CYP2C19: variants seen among roughly 807,000 people sequenced by gnomAD.
CYP2C19 encodes cytochrome P450 family 2 subfamily C member 19, also known as cytochrome P450 2C19.
A neutral mutation model predicts 40.9 loss-of-function variants in CYP2C19; 59 were observed. That is an observed-to-expected ratio of 1.44 (90% confidence interval 1.17 to 1.79). The LOEUF (loss-of-function observed/expected upper bound fraction) is 1.79. CYP2C19 is among the 40% of genes most tolerant of loss of function. The pLI is 0.00. For missense variants in CYP2C19, 754 were observed against 596.9 expected (o/e 1.26, Z -2.74); for synonymous variants, 253 against 208.7 (o/e 1.21, Z -1.83).
At chr10:94,809,941 G>A (rs751727176) in intron 5 of CYP2C19, among the ~76,000 whole-genome samples, 1 of 152,200 alleles carries the variant, frequency 6.6e-6, no homozygotes, top group South Asian at 2.1e-4. Flanking sequence ...GAGTGCAGTG[G>A]CATTATCTCA....
At chr10:94,820,753 G>C in intron 6 of CYP2C19, 116 bp downstream of exon 6, 1 of 1,316,056 alleles carries the variant, frequency 7.6e-7, no homozygotes, top group Non-Finnish European at 1.1e-6. Context: ...TTCTGTGCCC[G>C]CAGCTGTAAT....
chr10:94,826,649 T>C (rs1372860282), intron 6 of CYP2C19, among the ~76,000 whole-genome samples: 1 of 152,208 alleles, frequency 6.6e-6, no homozygotes, highest in African/African-American at 2.4e-5. Context: ...ATCCCCTTTA[T>C]TTCCTTCTCC....
At chr10:94,818,012 C>CAAAAAAAAAAAAAAAAAAAAAAAA (rs71031597) in intron 5 of CYP2C19, among the ~76,000 whole-genome samples, 1 of 77,150 alleles carries the variant, frequency 1.3e-5, no homozygotes. Context: ...GACTCCATCT[C>CAAAAAAAAAAAAAAAAAAAAAAAA]AAAAAAAAAA....
rs992378592 is a variant in CYP2C19 at position 94,829,187 on chromosome 10, T to C, written c.961+8550T>C. 1.0e-3 allele frequency among the ~76,000 whole-genome samples: 152 copies of C among 152,202 alleles called. 3 individuals carry two copies. Among genetic ancestry groups the C allele is most frequent in the Non-Finnish European group, 2.2e-4 (15 of 68,048 alleles). ...GAGTATCTTTGTGGCGTTCTCTGTA[T>C]TTCCTGAATCTGAACGTTGGCCTGC... On this transcript the variant is annotated intron_variant, in intron 6 of 8. Coordinates refer to ENST00000371321, the MANE Select transcript of CYP2C19 (RefSeq NM_000769.4).
At chr10:94,801,658 G>C (rs368997633) in intron 5 of CYP2C19, among the ~76,000 whole-genome samples, 26 of 152,240 alleles carry the variant, frequency 1.7e-4, no homozygotes, top group African/African-American at 6.3e-4. Context: ...TTAATTTTCT[G>C]TGTCATTGAT....
chr10:94,786,211 G>T (rs572142888), intron 5 of CYP2C19, among the ~76,000 whole-genome samples: 98 of 152,192 alleles, frequency 6.4e-4, no homozygotes, highest in African/African-American at 2.3e-3. Flanking sequence ...AGGTAATGTA[G>T]CTGCTTCATC....
intron 7 of CYP2C19, among the ~76,000 whole-genome samples, chr10:94,847,483 G>A (rs2134290194): frequency 6.6e-6 from 1 of 152,256 alleles, no homozygotes; most frequent in Non-Finnish European, 1.5e-5. Flanking sequence ...ATCATTGTTG[G>A]ATATTTGGGT....
chr10:94,788,218 A>C (rs1056297268), intron 5 of CYP2C19, among the ~76,000 whole-genome samples: 5 of 151,534 alleles, frequency 3.3e-5, no homozygotes, highest in African/African-American at 9.7e-5. Flanking sequence ...AGTTTTGTAC[A>C]TTTATTTTGT....
Position 94,852,681 on chromosome 10 carries a change from C to G in CYP2C19, c.1292-52C>G. The G allele has an allele frequency of 3.2e-6, 5 of 1,585,998 alleles. No individual in the cohort carries two copies. In the South Asian group the frequency reaches 5.5e-5, roughly 18 times the overall value. ...CCAGTTATAGAGACAGTGTTTGTCA[C>G]TCTCACAGTTACACATGAGGAGTAA... On this transcript the variant is annotated intron_variant, in intron 8 of 8. Coordinates refer to ENST00000371321, the MANE Select transcript of CYP2C19 (RefSeq NM_000769.4).
rs1849715020 is a variant in CYP2C19 at position 94,855,355 on chromosome 10, G to A, written c.*2441G>A. Among the ~76,000 whole-genome samples the A allele has an allele frequency of 1.3e-5, 2 of 152,156 alleles. No individual in the cohort carries two copies. The stretch of plus-strand genomic sequence containing the variant: ...TTTTAAGTGTCAGAGCCAACAATTG[G>A]ACAAGGGCAATCTGACTGGAAAGTA... On this transcript the variant is annotated 3_prime_UTR_variant, in exon 9 of 9. Coordinates refer to ENST00000371321, the MANE Select transcript of CYP2C19 (RefSeq NM_000769.4).
At chr10:94,824,302 G>A (rs1849176316) in intron 6 of CYP2C19, among the ~76,000 whole-genome samples, 1 of 152,102 alleles carries the variant, frequency 6.6e-6, no homozygotes, top group Admixed American at 6.6e-5. Flanking sequence ...GGTGAACATG[G>A]AGATTAAAAT....
Position 94,808,729 on chromosome 10 carries a change from C to G in CYP2C19, c.820-11767C>G, listed in dbSNP as rs191680219. On this transcript the variant is annotated intron_variant, in intron 5 of 8. Transcript: ENST00000371321. Reference sequence around the variant, plus strand: ...GGTTTATTTCACTTAACATAATAATCTCCAATTCTATCTGTGTTGTTGCAA... The same window carrying G: ...GGTTTATTTCACTTAACATAATAATGTCCAATTCTATCTGTGTTGTTGCAA... Among the ~76,000 whole-genome samples the G allele has an allele frequency of 2.6e-5, 4 of 152,208 alleles. No homozygotes were observed. In the East Asian group the frequency reaches 7.7e-4, roughly 29 times the overall value.
intron 6 of CYP2C19, among the ~76,000 whole-genome samples, chr10:94,839,347 G>A (rs770669359): frequency 6.6e-5 from 10 of 152,038 alleles, no homozygotes; most frequent in Non-Finnish European, 1.2e-4. Context: ...TCTGCTAATC[G>A]GATTACTTAT....
intron 5 of CYP2C19, among the ~76,000 whole-genome samples, chr10:94,806,797 G>A (rs929649853): frequency 3.3e-5 from 5 of 150,650 alleles, no homozygotes; most frequent in Admixed American, 3.3e-4. Flanking sequence ...TATTTATGGG[G>A]TGTACTGTAA....
At chr10:94,766,107 C>T (rs150822258) in intron 1 of CYP2C19, among the ~76,000 whole-genome samples, 17 of 152,026 alleles carry the variant, frequency 1.1e-4, no homozygotes, top group Admixed American at 1.1e-3. Context: ...GGGTCTTTTC[C>T]GTCATAATGA....
chr10:94,826,566 G>A (rs566054687), intron 6 of CYP2C19, among the ~76,000 whole-genome samples: 1 of 152,160 alleles, frequency 6.6e-6, no homozygotes, highest in African/African-American at 2.4e-5. Flanking sequence ...GGGCTGAGAT[G>A]ATGGGGTTTT....
rs1848485143 is a variant in CYP2C19, at chr10:94,781,941, A to G, written c.763A>G (p.Met255Val). ...GAAAGTAAAAGAACACCAAGAATCG[A>G]TGGACATCAACAACCCTCGGGACTT... ...LEKVKEHQES[M>V]DINNPRDFID... Residue 255 changes from methionine to valine, a missense_variant, in exon 5 of 9, where the codon ATG becomes GTG. Met to Val is a conservative substitution (Grantham distance 21). Coordinates refer to ENST00000371321, the MANE Select transcript of CYP2C19 (RefSeq NM_000769.4). 6.6e-7 allele frequency: 1 copy of G among 1,513,870 alleles called. No individual in the cohort carries two copies. Among genetic ancestry groups the G allele is most frequent in the Admixed American group, 2.5e-5 (1 of 39,224 alleles). The allele number at this position is 1,513,870 out of a possible 1,614,324, so 93.8% of individuals were successfully genotyped here. A position where few individuals can be genotyped will look rare whatever the true frequency, so the allele number is the denominator to read the frequency against.
chr10:94,804,908 T>C (rs1381404447), intron 5 of CYP2C19, among the ~76,000 whole-genome samples: 1 of 152,180 alleles, frequency 6.6e-6, no homozygotes, highest in Non-Finnish European at 1.5e-5. Flanking sequence ...TGTTTAATAG[T>C]TTTTAGTGTC....
chr10:94,806,214 T>C (rs1458133570), intron 5 of CYP2C19, among the ~76,000 whole-genome samples: 2 of 152,208 alleles, frequency 1.3e-5, no homozygotes, highest in Admixed American at 6.5e-5. Flanking sequence ...GGTTCATTCA[T>C]GTTTTCGCAT....
Sources: allele counts gnomAD v4.1 joint callset (sites outside exome capture counted in the v4.1 genomes callset), GRCh38; gene constraint gnomAD v4.1.1; transcripts MANE v1.5; gene names NCBI Gene and HGNC (gene_info 2026-07-23, HGNC 2026-07-21).